The following HEATR5B variants were observed in gnomAD, a reference collection of about 807,000 sequenced individuals.
HEATR5B encodes HEAT repeat containing 5B, also known as HEAT repeat-containing protein 5B.
A neutral mutation model predicts 224.1 loss-of-function variants in HEATR5B; 156 were observed. That is an observed-to-expected ratio of 0.70 (90% confidence interval 0.61 to 0.80). The LOEUF (loss-of-function observed/expected upper bound fraction) is 0.80, where lower values mean the gene tolerates loss of function less well. HEATR5B is among the 30% of genes least tolerant of loss of function. The pLI is 0.00. For synonymous variants in HEATR5B, 1,027 were observed against 893.0 expected (o/e 1.15, Z -2.68); for missense variants, 2,323 against 2,535.5 (o/e 0.92, Z 1.80).
At position 37,027,930 on chromosome 2, in the gene HEATR5B, G is replaced by A; in HGVS notation, c.3846C>T (p.Asn1282=). 6.2e-7 allele frequency: 1 copy of A among 1,613,396 alleles called. No individual in the cohort carries two copies. The highest frequency in any genetic ancestry group is 8.5e-7 in the Non-Finnish European group (1 of 1,179,420). The part of the protein sequence containing the change: ...LALARSAKLR[N]PTNDLLVLHL... ...TACTGATTTTAAATTTACTTGTAGGGTTTCGAAGTTTAGCAGAACGTGCCA... is the reference window on the plus strand; with the variant it reads ...TACTGATTTTAAATTTACTTGTAGGATTTCGAAGTTTAGCAGAACGTGCCA... Residue 1282 remains asparagine, a synonymous_variant, in exon 24 of 36, where the codon AAC becomes AAT. Coordinates refer to ENST00000233099, the MANE Select transcript of HEATR5B (RefSeq NM_019024.3).
chr2:37,064,354 A>C (rs1243930575), intron 10 of HEATR5B, among the ~76,000 whole-genome samples: 1 of 144,734 alleles, frequency 6.9e-6, no homozygotes, highest in Non-Finnish European at 1.5e-5. Flanking sequence ...TGGCATGTTC[A>C]TAGCTCACTG....
At chr2:37,041,468 TG>T (rs1291015367) in intron 18 of HEATR5B, among the ~76,000 whole-genome samples, 176 bp from the exon 19 acceptor site, 1 of 152,194 alleles carries the variant, frequency 6.6e-6, no homozygotes, top group Non-Finnish European at 1.5e-5. Context: ...TAACTACAGC[TG>T]GGTGTCATGG....
chr2:37,010,641 G>A (rs145442163), intron 27 of HEATR5B, among the ~76,000 whole-genome samples: 53 of 151,950 alleles, frequency 3.5e-4, no homozygotes, highest in African/African-American at 1.1e-3. Context: ...AGGGTCCAGG[G>A]TAGCTGGGAT....
chr2:37,008,976 T>C (rs1175001019), intron 27 of HEATR5B, 128 bp from the exon 28 acceptor site: 1 of 748,632 alleles, frequency 1.3e-6, no homozygotes, highest in Non-Finnish European at 2.2e-6. Context: ...AGTATACACT[T>C]TGGCTGGGTG....
chr2:36,986,822 G>A (rs758731221), intron 35 of HEATR5B, among the ~76,000 whole-genome samples: 8 of 152,016 alleles, frequency 5.3e-5, no homozygotes, highest in African/African-American at 1.7e-4. Flanking sequence ...TCATCATATC[G>A]GTCAGGTTGG....
At chr2:37,005,439 A>G (rs1667348304) in intron 30 of HEATR5B, among the ~76,000 whole-genome samples, 193 bp downstream of exon 30, 1 of 152,202 alleles carries the variant, frequency 6.6e-6, no homozygotes, top group South Asian at 2.1e-4. Flanking sequence ...TTCACTATCT[A>G]TAACCTCAAA....
intron 24 of HEATR5B, among the ~76,000 whole-genome samples, chr2:37,021,677 C>G (rs1668467613): frequency 6.6e-6 from 1 of 151,992 alleles, no homozygotes; most frequent in Admixed American, 6.6e-5. Flanking sequence ...AGCTTGAGCT[C>G]AAGAGTTTGA....
rs1409888806 is a variant in HEATR5B, at chr2:37,046,876, G to A, written c.2696+2777C>T. On this transcript the variant is annotated intron_variant, in intron 18 of 35. Transcript: ENST00000233099. The stretch of plus-strand genomic sequence containing the variant: ...ACTACCCTGGCCAACATGGTGAAAC[G>A]TTGTCTCTACTAAAAATACAAGAAT... Among the ~76,000 whole-genome samples the A allele has an allele frequency of 2.7e-5, 4 of 150,196 alleles. No individual in the cohort carries two copies. In the South Asian group the frequency reaches 6.3e-4, roughly 24 times the overall value.
rs1671144993 is a variant in HEATR5B at position 37,059,501 on chromosome 2, T to A, written c.1850-514A>T. ...TTTTTTTTGAGAGAGTCTCACTCTGTCAACCAGGCTGGAGTGCAGTGGCGG... is the reference window on the plus strand; with the variant it reads ...TTTTTTTTGAGAGAGTCTCACTCTGACAACCAGGCTGGAGTGCAGTGGCGG... On this transcript the variant is annotated intron_variant, in intron 12 of 35. Transcript: ENST00000233099. Among the ~76,000 whole-genome samples the A allele has an allele frequency of 4.4e-5, 6 of 137,178 alleles. No homozygotes were observed. The South Asian group carries it at 1.5e-3, about 33-fold the overall frequency. The allele number at this position is 137,178 out of a possible 152,430, so 90.0% of individuals were successfully genotyped here. A position where few individuals can be genotyped will look rare whatever the true frequency, so the allele number is the denominator to read the frequency against.
At chr2:37,050,802 G>C (rs975031148) in intron 17 of HEATR5B, among the ~76,000 whole-genome samples, 7 of 152,162 alleles carry the variant, frequency 4.6e-5, no homozygotes, top group Admixed American at 1.3e-4. Context: ...GACTTTGGGA[G>C]GCCAAGGCGG....
In HEATR5B at chr2:37,062,009, G is replaced by C; in HGVS notation, c.1626C>G (p.Ala542=). The C allele has an allele frequency of 6.2e-7, 1 of 1,613,700 alleles. No homozygotes were observed. Among genetic ancestry groups the C allele is most frequent in the African/African-American group, 1.3e-5 (1 of 74,990 alleles). ...SIAEDLLRTA[A]QNSRLSLQRT... is the part of the protein sequence containing the mutation. ...GCTGTAAAGATAGCCTGCTATTTTG[G>C]GCAGCAGTTCGTAAAAGATCTTCAG... Residue 542 remains alanine (A), a synonymous_variant, in exon 11 of 36, where the codon GCC becomes GCG. Coordinates refer to ENST00000233099, the MANE Select transcript of HEATR5B (RefSeq NM_019024.3).
At chr2:37,081,680 A>C (rs1672579210) in intron 2 of HEATR5B, among the ~76,000 whole-genome samples, 1 of 152,192 alleles carries the variant, frequency 6.6e-6, no homozygotes. Flanking sequence ...CTGAAAGTTT[A>C]TTCTCTGGGA....
chr2:37,067,013 G>T (rs1232304722), intron 8 of HEATR5B, among the ~76,000 whole-genome samples: 1 of 151,994 alleles, frequency 6.6e-6, no homozygotes, highest in African/African-American at 2.4e-5. Context: ...GGGACTACAG[G>T]TGTACGCCAC....
chr2:36,994,845 G>T (rs561765012), intron 33 of HEATR5B, among the ~76,000 whole-genome samples: 2 of 152,130 alleles, frequency 1.3e-5, no homozygotes, highest in East Asian at 3.9e-4. Flanking sequence ...TCCGCCCCCG[G>T]GTTCACGCCA....
At chr2:36,996,391 T>G (rs902614744) in intron 33 of HEATR5B, among the ~76,000 whole-genome samples, 5 of 151,708 alleles carry the variant, frequency 3.3e-5, no homozygotes, top group African/African-American at 4.8e-5. Context: ...GGTGGCCATT[T>G]CTATTTTCTT....
chr2:37,053,660 G>T, intron 16 of HEATR5B, 53 bp from the exon 17 acceptor site: 1 of 1,093,350 alleles, frequency 9.1e-7, no homozygotes, highest in Non-Finnish European at 1.4e-6. Flanking sequence ...ATTCCAATAT[G>T]GCTCAAAAAC....
chr2:37,079,801 A>G (rs532150085), intron 2 of HEATR5B, among the ~76,000 whole-genome samples: 2 of 152,324 alleles, frequency 1.3e-5, no homozygotes, highest in Non-Finnish European at 2.9e-5. Flanking sequence ...CCCATAATCA[A>G]TATCTAGAAT....
chr2:37,013,194 T>C (rs1400727793), intron 27 of HEATR5B, among the ~76,000 whole-genome samples: 1 of 152,206 alleles, frequency 6.6e-6, no homozygotes, highest in Non-Finnish European at 1.5e-5. Context: ...CAGTTACCTG[T>C]TGCTGAATAC....
intron 17 of HEATR5B, 25 bp downstream of exon 17, chr2:37,053,477 A>G: frequency 7.6e-7 from 1 of 1,309,942 alleles, no homozygotes; most frequent in Non-Finnish European, 1.1e-6. Flanking sequence ...CTTATTTCAG[A>G]ATAGTATGTA....
Sources: gnomAD v4.1 joint callset for allele counts (sites outside exome capture counted in the v4.1 genomes callset) on GRCh38, gnomAD v4.1.1 for gene constraint, MANE v1.5 for transcripts, NCBI Gene and HGNC (gene_info 2026-07-23, HGNC 2026-07-21) for gene names.